TENM2: variants seen among roughly 807,000 people sequenced by gnomAD.
The protein encoded by TENM2 is teneurin transmembrane protein 2.
Under a neutral mutation model 245.2 loss-of-function variants are expected in TENM2, and 52 were observed. The observed-to-expected ratio is 0.21, with a 90% CI of 0.17 to 0.27. The LOEUF is 0.27. Among genes scored for constraint, TENM2 ranks in the 10% least tolerant of loss-of-function variants. The pLI is 1.00. For synonymous variants in TENM2, 1,363 were observed against 1,438.9 expected, an observed-to-expected ratio of 0.95 and a Z score of 1.19; for missense variants, 3,046 against 3,666.8, an observed-to-expected ratio of 0.83 and a Z score of 4.37.
intron 4 of TENM2, among the ~76,000 whole-genome samples, chr5:167,954,325 T>A (rs1456527446): frequency 6.6e-6 from 1 of 152,142 alleles, no homozygotes; most frequent in Non-Finnish European, 1.5e-5. Flanking sequence ...ACAATTGGGG[T>A]AATTTAAACA....
chr5:167,343,168 C>T (rs1231688948), intron 1 of TENM2, among the ~76,000 whole-genome samples: 2 of 152,102 alleles, frequency 1.3e-5, no homozygotes, highest in African/African-American at 4.8e-5. Context: ...GCTATACACC[C>T]ATCATTGTGG....
At chr5:167,783,175 T>TTG (rs1554117275) in intron 2 of TENM2, among the ~76,000 whole-genome samples, 2 of 150,824 alleles carry the variant, frequency 1.3e-5, no homozygotes, top group Non-Finnish European at 3.0e-5. Context: ...AGAAACAGGT[T>TTG]TTTTTTTTTT....
chr5:167,343,810 A>G (rs553513425), intron 1 of TENM2, among the ~76,000 whole-genome samples: 10 of 152,282 alleles, frequency 6.6e-5, no homozygotes, highest in East Asian at 5.8e-4. Context: ...ATGATGGTCT[A>G]TCTTTTGGTA....
intron 2 of TENM2, among the ~76,000 whole-genome samples, chr5:167,489,743 T>G (rs975792977): frequency 1.3e-5 from 2 of 152,176 alleles, no homozygotes; most frequent in African/African-American, 4.8e-5. Flanking sequence ...TGGATATACA[T>G]GCTTTTCGTA....
At chr5:167,544,380 C>T (rs1285062754) in intron 2 of TENM2, among the ~76,000 whole-genome samples, 3 of 152,228 alleles carry the variant, frequency 2.0e-5, no homozygotes, top group South Asian at 4.1e-4. Flanking sequence ...GCATGAAAAT[C>T]ACGCGGTGCC....
the TENM2 span, among the ~76,000 whole-genome samples, chr5:167,186,703 G>A: frequency 6.6e-6 from 1 of 152,082 alleles, no homozygotes; most frequent in Non-Finnish European, 1.5e-5. Flanking sequence ...AGAAATAACC[G>A]GAATAAAAAA....
chr5:167,872,540 GAAAGAAAGAGAAAGAA>G lies in TENM2; in HGVS notation c.503-3444_503-3429del, dbSNP rs1325039740. Among the ~76,000 whole-genome samples, 124 of 49,868 alleles carry G rather than the reference GAAAGAAAGAGAAAGAA, an allele frequency of 2.5e-3. 1 individual carries two copies. Among genetic ancestry groups the G allele is most frequent in the African/African-American group, 3.2e-3 (59 of 18,186 alleles). 32.7% of individuals were successfully genotyped at this position (49,868 alleles called of 152,430 possible). A position where few individuals can be genotyped will look rare whatever the true frequency, so the allele number is the denominator to read the frequency against. ...AGAAAGAAAGAAAGAAAGAAAGAAAGAAAGAAAGAGAAAGAAAGAAAGAAAGAAAGAAAGAAAGAAA... is the reference window on the plus strand; with the variant it reads ...AGAAAGAAAGAAAGAAAGAAAGAAAGAGAAAGAAAGAAAGAAAGAAAGAAA... On this transcript the variant is annotated intron_variant, in intron 2 of 28. Coordinates refer to ENST00000518659, the Ensembl canonical transcript of TENM2.
chr5:167,745,113 G>A (rs1005526658), intron 2 of TENM2, among the ~76,000 whole-genome samples: 6 of 152,196 alleles, frequency 3.9e-5, no homozygotes, highest in African/African-American at 1.4e-4. Flanking sequence ...CAAATTGGTG[G>A]ATTGACTGTT....
At chr5:167,406,900 G>T (rs925570895) in intron 2 of TENM2, among the ~76,000 whole-genome samples, 1 of 152,084 alleles carries the variant, frequency 6.6e-6, no homozygotes, top group Admixed American at 6.6e-5. Context: ...TGGACATTTG[G>T]TAATAGACAG....
At chr5:168,138,236 A>G (rs1407409213) in intron 12 of TENM2, among the ~76,000 whole-genome samples, 1 of 152,178 alleles carries the variant, frequency 6.6e-6, no homozygotes, top group African/African-American at 2.4e-5. Context: ...TTAACAAGCT[A>G]TGTGTCTTCA....
the TENM2 span, among the ~76,000 whole-genome samples, chr5:167,050,589 G>T: frequency 6.6e-5 from 10 of 152,252 alleles, no homozygotes; most frequent in Non-Finnish European, 1.3e-4. Context: ...TTATATTGTG[G>T]ACCGTGAATG....
At chr5:167,407,559 C>T (rs1367722958) in intron 2 of TENM2, among the ~76,000 whole-genome samples, 3 of 152,078 alleles carry the variant, frequency 2.0e-5, no homozygotes, top group Non-Finnish European at 2.9e-5. Flanking sequence ...GGCTCATGCC[C>T]GTAATCCCAG....
At chr5:168,228,068 G>A in exon 25 of TENM2, 1 of 1,613,916 alleles carries the variant, frequency 6.2e-7, no homozygotes, top group Non-Finnish European at 8.5e-7. Flanking sequence ...AAACTCCATT[G>A]AGTGGCGCCT....
intron 2 of TENM2, among the ~76,000 whole-genome samples, chr5:167,669,558 T>C (rs1378875904): frequency 2.0e-5 from 3 of 152,076 alleles, no homozygotes; most frequent in Non-Finnish European, 4.4e-5. Flanking sequence ...TTCACAAATA[T>C]TATATATTGT....
intron 2 of TENM2, among the ~76,000 whole-genome samples, chr5:167,594,536 C>T (rs1776072515): frequency 6.6e-6 from 1 of 152,172 alleles, no homozygotes; most frequent in African/African-American, 2.4e-5. Context: ...AACTGTCCTT[C>T]TGTACAGATA....
intron 2 of TENM2, among the ~76,000 whole-genome samples, chr5:167,381,527 A>G (rs530272008): frequency 3.5e-4 from 54 of 152,192 alleles, no homozygotes; most frequent in Non-Finnish European, 5.7e-4. Context: ...GAGATTTTAT[A>G]TTAGAAATTT....
At chr5:167,549,194 G>A (rs1431635028) in intron 2 of TENM2, among the ~76,000 whole-genome samples, 2 of 152,098 alleles carry the variant, frequency 1.3e-5, no homozygotes, top group Non-Finnish European at 2.9e-5. Context: ...GGTGTGAAAA[G>A]ACTGAGGATA....
At chr5:167,196,472 A>ATATATATGTGTG in the TENM2 span, among the ~76,000 whole-genome samples, 5 of 148,452 alleles carry the variant, frequency 3.4e-5, no homozygotes, top group African/African-American at 1.3e-4. Context: ...ATATGTGTGT[A>ATATATATGTGTG]TATATATATG....
chr5:167,219,337 C>A, the TENM2 span, among the ~76,000 whole-genome samples: 1 of 142,630 alleles, frequency 7.0e-6, no homozygotes, highest in African/African-American at 2.8e-5. Flanking sequence ...ACAAGCAAAA[C>A]AAAACCAACC....
Sources: gnomAD v4.1 joint callset for allele counts (sites outside exome capture counted in the v4.1 genomes callset) on GRCh38, gnomAD v4.1.1 for gene constraint, MANE v1.5 for transcripts, NCBI Gene and HGNC (gene_info 2026-07-23, HGNC 2026-07-21) for gene names.